The following AKAP9 variants were observed in gnomAD, a reference collection of about 807,000 sequenced individuals.
AKAP9 encodes the protein A-kinase anchor protein 9.
AKAP9 carries 311 observed loss-of-function variants against 488.5 expected under a neutral mutation model. The ratio of observed to expected loss-of-function variants is 0.64; its 90% CI spans 0.58 to 0.70. AKAP9 has a LOEUF of 0.70. AKAP9 is among the 30% of genes least tolerant of loss of function. The probability of loss-of-function intolerance (pLI) is 0.00; values close to 1 mark genes in which losing one functional copy is unlikely to be tolerated. For synonymous variants in AKAP9, 1,462 were observed against 1,483.5 expected, an observed-to-expected ratio of 0.99 and a Z score of 0.33; for missense variants, 4,215 against 4,374.5, an observed-to-expected ratio of 0.96 and a Z score of 1.03.
rs563921226 is a variant in AKAP9 at position 91,945,116 on chromosome 7, A to G, written c.48+3969A>G. 2.9e-4 allele frequency among the ~76,000 whole-genome samples: 44 copies of G among 152,316 alleles called. No individual in the cohort carries two copies. In the South Asian group the frequency reaches 3.3e-3, roughly 11 times the overall value. ...GATGGCTCACTCCTGTAATCCCAACACTGGGAGGCTGAGGTGGGAGGATCG... is the reference window on the plus strand; with the variant it reads ...GATGGCTCACTCCTGTAATCCCAACGCTGGGAGGCTGAGGTGGGAGGATCG... On this transcript the variant is annotated intron_variant, in intron 1 of 49. Coordinates refer to ENST00000356239, the MANE Select transcript of AKAP9 (RefSeq NM_005751.5).
rs1327057451 is a variant in AKAP9, at chr7:92,076,870, G to A, written c.6628G>A (p.Glu2210Lys). The A allele has an allele frequency of 4.1e-6, 6 of 1,466,284 alleles. No homozygotes were observed. Among genetic ancestry groups the A allele is most frequent in the Non-Finnish European group, 5.6e-6 (6 of 1,067,780 alleles). The allele number at this position is 1,466,284 out of a possible 1,614,324, so 90.8% of individuals were successfully genotyped here. A position where few individuals can be genotyped will look rare whatever the true frequency, so the allele number is the denominator to read the frequency against. Residue 2210 changes from glutamate (E) to lysine (K), a missense_variant, in exon 29 of 50, where the codon GAG (glutamate) becomes AAG (lysine). Physicochemically the swap from Glu to Lys is moderately conservative, Grantham distance 56 (BLOSUM62 1). Coordinates refer to ENST00000356239, the MANE Select transcript of AKAP9 (RefSeq NM_005751.5). ...GTTATTAAAGATTACAAACTTAGAA[G>A]AGCAATTAGAACAGTTTAGAGAAGA... Reference protein sequence around the residue: ...RKEKEITNLEEQLEQFREELE... With the variant: ...RKEKEITNLEKQLEQFREELE...
At position 92,038,675 on chromosome 7, in the gene AKAP9, A is replaced by G. The variant is rs1338783941; in HGVS notation, c.4595A>G (p.Asn1532Ser). 6.2e-7 allele frequency: 1 copy of G among 1,610,214 alleles called. No individual in the cohort carries two copies. Residue 1532 changes from asparagine to serine, a missense_variant, in exon 17 of 50, where the codon AAT becomes AGT. Around this residue, in one of 5 missense-constraint regions of AKAP9, gnomAD observed 2,361 missense variants for 2,430.0 expected, o/e 0.97. Transcript: ENST00000356239. Reference protein sequence around the residue: ...GEHGKEILLSNSDPHDIPESK... With the variant: ...GEHGKEILLSSSDPHDIPESK... ...CATGGAAAGGAAATTTTATTATCAA[A>G]TAGTGATCCCCATGATATACCAGAA...
chr7:91,969,331 A>G (rs1562911327), intron 1 of AKAP9, among the ~76,000 whole-genome samples: 2 of 152,210 alleles, frequency 1.3e-5, no homozygotes, highest in Non-Finnish European at 2.9e-5. Flanking sequence ...TTATGACCTA[A>G]TATATGGTCT....
chr7:91,994,600 G>A (rs779480822), intron 5 of AKAP9, 21 bp from the exon 6 acceptor site: 7 of 1,597,560 alleles, frequency 4.4e-6, no homozygotes, highest in Admixed American at 3.4e-5. Flanking sequence ...AATAAATCTA[G>A]CACTTACTAT....
chr7:92,070,064 CAG>C lies in AKAP9; in HGVS notation c.6367_6368del (p.Asp2123GlnfsTer4), dbSNP rs1240242716. ...TTAGCAAATCATCTGAAAGAAAAAA[CAG>C]ACAAATGCAGTGAGCTTTTGCTCTC... On this transcript the variant is annotated frameshift_variant, in exon 27 of 50. Transcript: ENST00000356239. LOFTEE classifies it high-confidence loss of function. The C allele has an allele frequency of 6.2e-7, 1 of 1,612,802 alleles. No homozygotes were observed. Among genetic ancestry groups the C allele is most frequent in the African/African-American group, 1.3e-5 (1 of 74,734 alleles).
chr7:91,977,882 G>A (rs576906005), intron 2 of AKAP9, among the ~76,000 whole-genome samples: 5 of 152,104 alleles, frequency 3.3e-5, no homozygotes, highest in South Asian at 4.1e-4. Context: ...CAGTACTACC[G>A]TTTCTAGTAC....
At chr7:91,972,947 T>C (rs1418794268) in intron 1 of AKAP9, among the ~76,000 whole-genome samples, 2 of 152,258 alleles carry the variant, frequency 1.3e-5, no homozygotes, top group Non-Finnish European at 2.9e-5. Flanking sequence ...GTGACCACTT[T>C]ATATAGCTAA....
chr7:92,019,343 T>C (rs1801993369), intron 12 of AKAP9, among the ~76,000 whole-genome samples: 1 of 151,894 alleles, frequency 6.6e-6, no homozygotes, highest in Non-Finnish European at 1.5e-5. Flanking sequence ...GCTTTCACCA[T>C]GTTGACCAGG....
chr7:92,052,743 C>T lies in AKAP9; in HGVS notation c.5386C>T (p.Pro1796Ser). 1.9e-6 allele frequency: 3 copies of T among 1,611,472 alleles called. No homozygotes were observed. Among genetic ancestry groups the T allele is most frequent in the East Asian group, 4.5e-5 (2 of 44,808 alleles). Reference sequence around the variant, plus strand: ...TATTCTAGTTACAGATGAATCCATTCCCTCTTATTCTGGAAGTGATATGCC... The same window carrying T: ...TATTCTAGTTACAGATGAATCCATTTCCTCTTATTCTGGAAGTGATATGCC... Reference protein sequence around the residue: ...EHTRVTDESIPSYSGSDMPRN... With the variant: ...EHTRVTDESISSYSGSDMPRN... The change falls in exon 22 of 50, where the codon CCC becomes TCC. Residue 1796 changes from proline (P) to serine (S), a missense_variant. By Grantham distance (74) the Pro-to-Ser change is moderately conservative (BLOSUM62 -1). This residue lies in a region of AKAP9 where 2,361 missense variants were observed against 2,430.0 expected (regional missense o/e 0.97). Transcript: ENST00000356239.
At chr7:92,051,169 A>C (rs1331828128) in intron 21 of AKAP9, among the ~76,000 whole-genome samples, 3 of 152,134 alleles carry the variant, frequency 2.0e-5, no homozygotes, top group Non-Finnish European at 4.4e-5. Flanking sequence ...ACCTTCTTTT[A>C]GCTCTCTCAC....
At chr7:92,065,552 C>A in intron 25 of AKAP9, 89 bp downstream of exon 25, 1 of 941,588 alleles carries the variant, frequency 1.1e-6, no homozygotes, top group Non-Finnish European at 1.6e-6. Context: ...TATGAAAAGA[C>A]TGTTGAGTTA....
chr7:92,066,683 T>G (rs1810822091), intron 26 of AKAP9, 137 bp downstream of exon 26: 1 of 1,126,860 alleles, frequency 8.9e-7, no homozygotes, highest in Admixed American at 2.1e-5. Flanking sequence ...TAATATTACT[T>G]AAGCATGAGA....
intron 8 of AKAP9, among the ~76,000 whole-genome samples, chr7:92,011,526 A>C (rs1800738483): frequency 6.6e-6 from 1 of 152,202 alleles, no homozygotes; most frequent in African/African-American, 2.4e-5. Context: ...ACTGATTGTA[A>C]AATTGATATA....
At chr7:92,098,863 A>G (rs1817079029) in intron 43 of AKAP9, among the ~76,000 whole-genome samples, 1 of 152,176 alleles carries the variant, frequency 6.6e-6, no homozygotes, top group Non-Finnish European at 1.5e-5. Context: ...ATCTGACTAA[A>G]ACCTCACCCT....
At chr7:92,032,721 A>G (rs565581410) in intron 16 of AKAP9, among the ~76,000 whole-genome samples, 1 of 152,252 alleles carries the variant, frequency 6.6e-6, no homozygotes, top group South Asian at 2.1e-4. Context: ...GGCCATAAGG[A>G]CTTATTCACT....
Position 91,973,550 on chromosome 7 carries a change from C to G in AKAP9, c.49-161C>G, listed in dbSNP as rs1027076187. Reference sequence around the variant, plus strand: ...TTATTCAGAAATGTTTCTTTGCATTCCAGTAGTTACATTAAAGACTGTAAT... The same window carrying G: ...TTATTCAGAAATGTTTCTTTGCATTGCAGTAGTTACATTAAAGACTGTAAT... On this transcript the variant is annotated intron_variant, in intron 1 of 49. Coordinates refer to ENST00000356239, the MANE Select transcript of AKAP9 (RefSeq NM_005751.5). 4.0e-6 allele frequency: 3 copies of G among 746,470 alleles called. No individual in the cohort carries two copies. The African/African-American group carries it at 5.3e-5, about 13-fold the overall frequency. The allele number at this position is 746,470 out of a possible 1,614,324, so 46.2% of individuals were successfully genotyped here.
At chr7:92,102,456 ACTAC>A in intron 45 of AKAP9, 134 bp from the exon 46 acceptor site, 3 of 447,962 alleles carry the variant, frequency 6.7e-6, no homozygotes, top group Admixed American at 3.3e-5. Context: ...TATTACTACT[ACTAC>A]TACTACTACT....
At chr7:92,024,439 G>GTATATATA (rs60256828) in intron 14 of AKAP9, among the ~76,000 whole-genome samples, 11 of 147,054 alleles carry the variant, frequency 7.5e-5, no homozygotes, top group Non-Finnish European at 1.6e-4. Flanking sequence ...ATGTGTGTGT[G>GTATATATA]TATATATATA....
At chr7:91,963,679 G>A (rs1232326459) in intron 1 of AKAP9, among the ~76,000 whole-genome samples, 1 of 151,988 alleles carries the variant, frequency 6.6e-6, no homozygotes, top group African/African-American at 2.4e-5. Context: ...CACCATGCCC[G>A]GCTAATTTTT....
Sources: allele counts gnomAD v4.1 joint callset (sites outside exome capture counted in the v4.1 genomes callset), GRCh38; gene constraint gnomAD v4.1.1; regional missense constraint gnomAD v4.1.1; transcripts MANE v1.5; gene names NCBI Gene and HGNC (gene_info 2026-07-23, HGNC 2026-07-21).